Variants in DGLUCY observed in about 807,000 individuals in gnomAD.
DGLUCY encodes D-glutamate cyclase.
DGLUCY carries 58 observed loss-of-function variants against 58.5 expected under a neutral mutation model. The ratio of observed to expected loss-of-function variants is 0.99; its 90% CI spans 0.80 to 1.23. DGLUCY has a LOEUF of 1.23. DGLUCY is among the 50% of genes most tolerant of loss of function. The pLI, the probability that DGLUCY is intolerant of heterozygous loss-of-function variation, is 0.00. For missense variants in DGLUCY, 779 were observed against 784.7 expected (o/e 0.99, Z 0.09); for synonymous variants, 325 against 314.1 (o/e 1.03, Z -0.37).
chr14:91,086,504 ATAGACCAT>A (rs548829884), intron 1 of DGLUCY, among the ~76,000 whole-genome samples: 17 of 152,342 alleles, frequency 1.1e-4, no homozygotes, highest in Admixed American at 2.6e-4. Context: ...TAAATGCTAT[ATAGACCAT>A]TGTTACACTG....
intron 1 of DGLUCY, among the ~76,000 whole-genome samples, chr14:91,074,311 AAATAT>A (rs1425555205): frequency 1.6e-5 from 2 of 122,114 alleles, no homozygotes; most frequent in African/African-American, 6.8e-5. Context: ...AAAAAAAAAA[AAATAT>A]ATATATATAT....
At chr14:91,108,526 TGAGAGAGAGA>T (rs1194090963) in intron 1 of DGLUCY, among the ~76,000 whole-genome samples, 1 of 52,120 alleles carries the variant, frequency 1.9e-5, no homozygotes, top group African/African-American at 6.3e-5. Context: ...TGTGTGTGTG[TGAGAGAGAGA>T]GAGAGAGAGA....
intron 1 of DGLUCY, among the ~76,000 whole-genome samples, chr14:91,089,319 G>T (rs1595628006): frequency 6.6e-6 from 1 of 152,280 alleles, no homozygotes; most frequent in Admixed American, 6.5e-5. Context: ...GAGAGAAAAG[G>T]CAACTAGAGC....
intron 1 of DGLUCY, among the ~76,000 whole-genome samples, chr14:91,127,254 G>T (rs999244587): frequency 6.6e-6 from 1 of 152,004 alleles, no homozygotes; most frequent in African/African-American, 2.4e-5. Flanking sequence ...ACAGGATCTT[G>T]CTGTGTTGCC....
chr14:91,185,271 ATTTTTTT>A (rs35639010), intron 8 of DGLUCY, among the ~76,000 whole-genome samples: 12 of 38,378 alleles, frequency 3.1e-4, no homozygotes, highest in African/African-American at 8.6e-4. Flanking sequence ...GCCCAGCCGG[ATTTTTTT>A]TTTTTTTTTT....
At chr14:91,160,903 C>G (rs997309913) in intron 3 of DGLUCY, among the ~76,000 whole-genome samples, 1 of 152,164 alleles carries the variant, frequency 6.6e-6, no homozygotes, top group African/African-American at 2.4e-5. Flanking sequence ...AGCAAAATTT[C>G]ACATTAAAAA....
At chr14:91,075,363 G>A (rs866929464) in intron 1 of DGLUCY, among the ~76,000 whole-genome samples, 1 of 151,964 alleles carries the variant, frequency 6.6e-6, no homozygotes, top group East Asian at 1.9e-4. Flanking sequence ...GGCTGGTCTC[G>A]AACCCCTGGC....
At chr14:91,121,575 C>G (rs2045360803) in intron 1 of DGLUCY, among the ~76,000 whole-genome samples, 3 of 150,176 alleles carry the variant, frequency 2.0e-5, no homozygotes, top group South Asian at 4.2e-4. Context: ...CCACTGCACT[C>G]CAGCCTGGGT....
chr14:91,083,092 A>G (rs1249079346), intron 1 of DGLUCY, among the ~76,000 whole-genome samples: 3 of 152,216 alleles, frequency 2.0e-5, no homozygotes, highest in Non-Finnish European at 4.4e-5. Flanking sequence ...CAGGCATTGC[A>G]TGCCCTGCCC....
intron 12 of DGLUCY, among the ~76,000 whole-genome samples, chr14:91,206,570 A>T (rs1198411970): frequency 6.6e-6 from 1 of 151,902 alleles, no homozygotes; most frequent in Non-Finnish European, 1.5e-5. Flanking sequence ...TTTGGTAGAG[A>T]CGGGGTTTCG....
At chr14:91,087,164 C>G (rs966038203) in intron 1 of DGLUCY, among the ~76,000 whole-genome samples, 1 of 152,194 alleles carries the variant, frequency 6.6e-6, no homozygotes, top group South Asian at 2.1e-4. Context: ...GCCGAGCCCC[C>G]CAAAAGTTCA....
intron 9 of DGLUCY, among the ~76,000 whole-genome samples, chr14:91,190,285 CCT>C (rs1383500659): frequency 6.6e-6 from 1 of 152,156 alleles, no homozygotes; most frequent in African/African-American, 2.4e-5. Flanking sequence ...CCGCGCCCGG[CCT>C]CTGTTAGGTT....
intron 1 of DGLUCY, among the ~76,000 whole-genome samples, chr14:91,079,150 C>T (rs1282972153): frequency 6.6e-6 from 1 of 151,836 alleles, no homozygotes; most frequent in Non-Finnish European, 1.5e-5. Flanking sequence ...GTGATCTGCC[C>T]GCCTTGGTCT....
intron 1 of DGLUCY, among the ~76,000 whole-genome samples, chr14:91,123,177 A>C (rs2045485384): frequency 6.6e-6 from 1 of 152,192 alleles, no homozygotes; most frequent in Admixed American, 6.5e-5. Flanking sequence ...GGATCATCAC[A>C]GAGGAGTCAA....
intron 1 of DGLUCY, among the ~76,000 whole-genome samples, chr14:91,094,819 C>G (rs1340155710): frequency 2.0e-5 from 3 of 150,118 alleles, no homozygotes; most frequent in Admixed American, 1.3e-4. Flanking sequence ...GCAAAACTCT[C>G]TCTCAAAAAA....
intron 1 of DGLUCY, among the ~76,000 whole-genome samples, chr14:91,097,299 G>A (rs1014503582): frequency 3.5e-4 from 54 of 152,246 alleles, no homozygotes; most frequent in African/African-American, 1.2e-3. Context: ...GGGAGGCTGA[G>A]GTGAGAGGGT....
chr14:91,211,975 A>AT (rs1023530186), intron 12 of DGLUCY, among the ~76,000 whole-genome samples: 4 of 151,944 alleles, frequency 2.6e-5, no homozygotes, highest in East Asian at 1.9e-4. Context: ...TAATTTTTGT[A>AT]TTTTTTTAAT....
intron 1 of DGLUCY, among the ~76,000 whole-genome samples, chr14:91,098,860 C>T (rs138553830): frequency 1.4e-4 from 22 of 152,280 alleles, no homozygotes; most frequent in African/African-American, 4.8e-4. Context: ...TCCTTGTAAG[C>T]GCAGCAACAG....
chr14:91,223,603 G>A (rs1284818275), intron 13 of DGLUCY: 2 of 1,195,108 alleles, frequency 1.7e-6, no homozygotes, highest in Non-Finnish European at 2.2e-6. Context: ...TGGGCAAGTG[G>A]TGCTTTGGGA....
Sources: gnomAD v4.1 joint callset for allele counts (sites outside exome capture counted in the v4.1 genomes callset) on GRCh38, gnomAD v4.1.1 for gene constraint, MANE v1.5 for transcripts, NCBI Gene and HGNC (gene_info 2026-07-23, HGNC 2026-07-21) for gene names.